The following TNIK variants were observed in gnomAD, a reference collection of about 807,000 sequenced individuals.
The protein encoded by TNIK is TRAF2 and NCK-interacting protein kinase.
TNIK carries 49 observed loss-of-function variants against 191.3 expected under a neutral mutation model. That is an observed-to-expected ratio of 0.26 (90% CI 0.20 to 0.32). The LOEUF (loss-of-function observed/expected upper bound fraction) is 0.32. Among genes scored for constraint, TNIK ranks in the 10% least tolerant of loss-of-function variants. The pLI, the probability that TNIK is intolerant of heterozygous loss-of-function variation, is 1.00. For missense variants in TNIK, 1,155 were observed against 1,702.3 expected (o/e 0.68, Z 5.66); for synonymous variants, 594 against 600.9 (o/e 0.99, Z 0.17).
intron 18 of TNIK, among the ~76,000 whole-genome samples, chr3:171,113,463 G>A (rs900959801): frequency 1.3e-5 from 2 of 152,026 alleles, no homozygotes; most frequent in African/African-American, 4.8e-5. Flanking sequence ...AAAATTAGCT[G>A]GGCGTGGTGG....
chr3:171,226,956 C>T (rs1431402084), intron 3 of TNIK, among the ~76,000 whole-genome samples: 3 of 151,788 alleles, frequency 2.0e-5, no homozygotes, highest in Non-Finnish European at 4.4e-5. Context: ...TTATTTTTTT[C>T]TTATTTGTTT....
At chr3:171,128,904 A>G (rs1018897639) in intron 15 of TNIK, 26 bp from the exon 16 acceptor site, 9 of 1,513,084 alleles carry the variant, frequency 5.9e-6, no homozygotes, top group Middle Eastern at 3.5e-4. Context: ...AAAAAAAAAA[A>G]AAAGACAGCC....
intron 2 of TNIK, among the ~76,000 whole-genome samples, chr3:171,303,717 T>C (rs1753123191): frequency 6.6e-6 from 1 of 152,190 alleles, no homozygotes; most frequent in African/African-American, 2.4e-5. Flanking sequence ...GTCAAACATG[T>C]ATATTTCACT....
At chr3:171,347,231 A>AG in intron 2 of TNIK, 1 of 1,526,386 alleles carries the variant, frequency 6.6e-7, no homozygotes, top group Non-Finnish European at 8.7e-7. Context: ...GAAAAAAAAA[A>AG]AAAAAGAAAA....
At chr3:171,157,696 C>T (rs1269841063) in intron 11 of TNIK, 32 bp from the exon 12 acceptor site, 30 of 1,549,930 alleles carry the variant, frequency 1.9e-5, no homozygotes, top group South Asian at 1.3e-4. Context: ...CAGGATCCCA[C>T]GTGGGGCAGG....
At chr3:171,112,687 T>G (rs1726027232) in intron 18 of TNIK, among the ~76,000 whole-genome samples, 1 of 144,912 alleles carries the variant, frequency 6.9e-6, no homozygotes, top group South Asian at 2.2e-4. Context: ...CATATTCAGT[T>G]TTTTTTTTCC....
At chr3:171,323,714 A>T (rs1411606052) in intron 2 of TNIK, among the ~76,000 whole-genome samples, 1 of 152,180 alleles carries the variant, frequency 6.6e-6, no homozygotes, top group African/African-American at 2.4e-5. Flanking sequence ...AATTCTTTAA[A>T]AATAAACAGT....
chr3:171,107,090 CTCCCAT>C, intron 21 of TNIK, 87 bp downstream of exon 21: 1 of 1,323,280 alleles, frequency 7.6e-7, no homozygotes, highest in Non-Finnish European at 1.0e-6. Flanking sequence ...CAGCTGATTG[CTCCCAT>C]TGGCCACCTT....
intron 2 of TNIK, among the ~76,000 whole-genome samples, chr3:171,278,139 G>A (rs1749988846): frequency 6.6e-6 from 1 of 152,202 alleles, no homozygotes; most frequent in Non-Finnish European, 1.5e-5. Flanking sequence ...AGTGTCTAAT[G>A]TTTTCTGACT....
At chr3:171,414,206 A>T (rs1722764823) in intron 1 of TNIK, among the ~76,000 whole-genome samples, 1 of 152,228 alleles carries the variant, frequency 6.6e-6, no homozygotes, top group East Asian at 1.9e-4. Context: ...GATTCCCCAG[A>T]TAGGGTCTCA....
intron 8 of TNIK, among the ~76,000 whole-genome samples, 156 bp downstream of exon 8, chr3:171,177,170 G>A (rs1026731282): frequency 2.6e-5 from 4 of 151,400 alleles, no homozygotes; most frequent in Admixed American, 6.6e-5. Context: ...TGGATTCCTG[G>A]TTGATTTAAG....
chr3:171,421,198 G>C (rs753734804), intron 1 of TNIK, among the ~76,000 whole-genome samples: 2 of 152,112 alleles, frequency 1.3e-5, no homozygotes, highest in African/African-American at 2.4e-5. Context: ...GATAGTTCTA[G>C]TTCTCACTGT....
chr3:171,095,008 A>G (rs901249494), intron 22 of TNIK, among the ~76,000 whole-genome samples: 2 of 152,194 alleles, frequency 1.3e-5, no homozygotes, highest in African/African-American at 4.8e-5. Flanking sequence ...ATAAAGAAGA[A>G]ATATCTACTA....
intron 7 of TNIK, among the ~76,000 whole-genome samples, chr3:171,184,398 T>C (rs571897990): frequency 4.6e-5 from 7 of 152,264 alleles, no homozygotes; most frequent in African/African-American, 1.7e-4. Flanking sequence ...AAAGGGAAAA[T>C]ATTAGAATAG....
At position 171,307,898 on chromosome 3, in the gene TNIK, G is replaced by A. The variant is rs1381696930; in HGVS notation, c.123+61722C>T. 3.3e-5 allele frequency among the ~76,000 whole-genome samples: 5 copies of A among 152,110 alleles called. No individual in the cohort carries two copies. In the East Asian group the frequency reaches 7.7e-4, roughly 24 times the overall value. ...AAATTTTCCAGAGGCTATGTGCCACGAGATGACGTTATCACTCTGCAGCTA... is the reference window on the plus strand; with the variant it reads ...AAATTTTCCAGAGGCTATGTGCCACAAGATGACGTTATCACTCTGCAGCTA... On this transcript the variant is annotated intron_variant, in intron 2 of 32. Transcript: ENST00000436636.
chr3:171,362,636 T>C (rs1715148728), intron 2 of TNIK, among the ~76,000 whole-genome samples: 1 of 152,218 alleles, frequency 6.6e-6, no homozygotes, highest in Non-Finnish European at 1.5e-5. Flanking sequence ...CTACTATGTG[T>C]CAGGCACTGA....
In TNIK at chr3:171,434,499, C is replaced by T. The variant is rs573041077; in HGVS notation, c.57+25508G>A. Among the ~76,000 whole-genome samples the T allele has an allele frequency of 2.0e-5, 3 of 151,736 alleles. No individual in the cohort carries two copies. In the East Asian group the frequency reaches 5.8e-4, roughly 29 times the overall value. ...TTGAGACAAAGTCTTGCTCTGTTGC[C>T]CAGGCTGGAATACAGTGGTACCAGC... On this transcript the variant is annotated intron_variant, in intron 1 of 32. Transcript: ENST00000436636.
chr3:171,313,465 C>A (rs1014500174), intron 2 of TNIK, among the ~76,000 whole-genome samples: 1 of 152,052 alleles, frequency 6.6e-6, no homozygotes, highest in African/African-American at 2.4e-5. Context: ...ACTCTGTTTT[C>A]CTATCATTTG....
chr3:171,183,670 C>T (rs1470578561), intron 7 of TNIK, among the ~76,000 whole-genome samples: 4 of 152,180 alleles, frequency 2.6e-5, no homozygotes, highest in South Asian at 2.1e-4. Flanking sequence ...CGCTTGTAAT[C>T]CCAGCACTTT....
Sources: allele counts gnomAD v4.1 joint callset (sites outside exome capture counted in the v4.1 genomes callset), GRCh38; gene constraint gnomAD v4.1.1; transcripts MANE v1.5; gene names NCBI Gene and HGNC (gene_info 2026-07-23, HGNC 2026-07-21).